The following NFIB variants were observed in gnomAD, a reference collection of about 807,000 sequenced individuals.
NFIB encodes the protein nuclear factor 1 B-type.
In NFIB, 11 loss-of-function variants were observed where a neutral mutation model predicts 61.5. That is an observed-to-expected ratio of 0.18 (90% confidence interval 0.11 to 0.30). The LOEUF is 0.30. Ranked by LOEUF, NFIB falls within the 10% of genes least tolerant of loss-of-function variation. The probability of loss-of-function intolerance (pLI) is 1.00; values close to 1 mark genes in which losing one functional copy is unlikely to be tolerated. For missense variants in NFIB, 471 were observed against 608.9 expected, an observed-to-expected ratio of 0.77 and a Z score of 2.38; for synonymous variants, 260 against 216.5, an observed-to-expected ratio of 1.20 and a Z score of -1.76.
At chr9:14,138,937 C>G (rs916015074) in intron 6 of NFIB, among the ~76,000 whole-genome samples, 1 of 151,878 alleles carries the variant, frequency 6.6e-6, no homozygotes, top group Admixed American at 6.6e-5. Flanking sequence ...TTTACCATCT[C>G]AAAATTTTGT....
chr9:14,344,108 A>AAGAGAGAGAG lies in NFIB; in HGVS notation c.109-36598_109-36589dup, dbSNP rs149708104. Among the ~76,000 whole-genome samples the AAGAGAGAGAG allele has an allele frequency of 1.3e-4, 18 of 141,556 alleles. 1 individual carries two copies. Among genetic ancestry groups the AAGAGAGAGAG allele is most frequent in the South Asian group, 9.6e-4 (4 of 4,182 alleles). 92.9% of individuals were successfully genotyped at this position (141,556 alleles called of 152,430 possible). On this transcript the variant is annotated intron_variant, in intron 1 of 8. Coordinates refer to the NFIB transcript ENST00000380934. ...TTAAAGAGAGGGAGAGAGAGAGAGA[A>AAGAGAGAGAG]AGAGAGAGAGAGAGAGAGAGAGAGA...
At chr9:14,202,164 A>AC (rs1563895703) in intron 2 of NFIB, among the ~76,000 whole-genome samples, 6 of 151,584 alleles carry the variant, frequency 4.0e-5, no homozygotes, top group South Asian at 2.1e-4. Context: ...ACACACACAC[A>AC]AAGATTTAGC....
At chr9:14,357,966 G>T (rs563890903) in intron 1 of NFIB, 1 of 152,318 alleles carries the variant, frequency 6.6e-6, no homozygotes, top group African/African-American at 2.4e-5. Flanking sequence ...AACTAGACTA[G>T]TGATTGGCTA....
chr9:14,462,249 G>A, the NFIB span, among the ~76,000 whole-genome samples: 9 of 151,782 alleles, frequency 5.9e-5, no homozygotes, highest in Non-Finnish European at 8.8e-5. Flanking sequence ...GCTGAATCAC[G>A]GTATGGTATT....
chr9:14,429,154 A>C, the NFIB span, among the ~76,000 whole-genome samples: 1 of 152,180 alleles, frequency 6.6e-6, no homozygotes, highest in Non-Finnish European at 1.5e-5. Flanking sequence ...AACCCAAGGC[A>C]TGTTTATTTT....
intron 1 of NFIB, among the ~76,000 whole-genome samples, chr9:14,331,901 C>G (rs2060825173): frequency 6.6e-6 from 1 of 152,184 alleles, no homozygotes; most frequent in Non-Finnish European, 1.5e-5. Context: ...TCGATTATTA[C>G]TTTTCTTTGT....
At position 14,313,766 on chromosome 9, in the gene NFIB, G is replaced by C. The variant is rs1376650514; in HGVS notation, c.-255C>G. On this transcript the variant is annotated 5_prime_UTR_variant, in exon 1 of 11. Transcript: ENST00000380953. This position sits in a 1 kb window ranked among gnomAD's most constrained non-coding sequence, Gnocchi z 4.5. Reference sequence around the variant, plus strand: ...TTTAACCCTCTTGCAGTCCGAGCGCGCTGGCCGTGCTTGCCGAGGCCGCCG... The same window carrying C: ...TTTAACCCTCTTGCAGTCCGAGCGCCCTGGCCGTGCTTGCCGAGGCCGCCG... 4 of 1,344,660 alleles carry C rather than the reference G, an allele frequency of 3.0e-6. No homozygotes were observed. The African/African-American group carries it at 6.0e-5, about 20-fold the overall frequency. The allele number at this position is 1,344,660 out of a possible 1,614,324, so 83.3% of individuals were successfully genotyped here. A position where few individuals can be genotyped will look rare whatever the true frequency, so the allele number is the denominator to read the frequency against.
intron 10 of NFIB, among the ~76,000 whole-genome samples, chr9:14,089,013 C>T (rs1007056823): frequency 2.0e-5 from 3 of 152,050 alleles, no homozygotes; most frequent in African/African-American, 7.2e-5. Context: ...CTACAGAATA[C>T]CCATCGTGAG....
At chr9:14,434,722 G>C in the NFIB span, among the ~76,000 whole-genome samples, 3 of 152,222 alleles carry the variant, frequency 2.0e-5, no homozygotes, top group African/African-American at 7.2e-5. Flanking sequence ...AGTTTCAAGA[G>C]GAAATTGATT....
the NFIB span, among the ~76,000 whole-genome samples, chr9:14,466,827 C>G: frequency 6.6e-6 from 1 of 152,090 alleles, no homozygotes; most frequent in Non-Finnish European, 1.5e-5. Context: ...CAATTTGCCC[C>G]AGATTTTGAA....
chr9:14,451,979 G>T, the NFIB span, among the ~76,000 whole-genome samples: 1 of 152,084 alleles, frequency 6.6e-6, no homozygotes, highest in Non-Finnish European at 1.5e-5. Flanking sequence ...CTGGGGCGAG[G>T]ATGCAGTTAA....
chr9:14,448,268 T>C, the NFIB span, among the ~76,000 whole-genome samples: 1 of 152,216 alleles, frequency 6.6e-6, no homozygotes, highest in East Asian at 1.9e-4. Context: ...TGTCTTAATG[T>C]CCTCAATAAA....
chr9:14,510,876 T>C, the NFIB span, among the ~76,000 whole-genome samples: 3 of 152,198 alleles, frequency 2.0e-5, no homozygotes, highest in Non-Finnish European at 4.4e-5. Context: ...AAGAAAAGAA[T>C]CATAACCTTT....
Position 14,184,457 on chromosome 9 carries a change from T to G in NFIB, c.563-4677A>C, listed in dbSNP as rs2047125350. Among the ~76,000 whole-genome samples the G allele has an allele frequency of 3.3e-5, 5 of 151,986 alleles. No homozygotes were observed. In the South Asian group the frequency reaches 1.0e-3, roughly 32 times the overall value. ...AGCAATTATTAGTATCACTGAACTCTATATACTAATTGACGTTTTAAAGAG... is the reference window on the plus strand; with the variant it reads ...AGCAATTATTAGTATCACTGAACTCGATATACTAATTGACGTTTTAAAGAG... On this transcript the variant is annotated intron_variant, in intron 2 of 10. Transcript: ENST00000380953.
the NFIB span, among the ~76,000 whole-genome samples, chr9:14,520,165 T>C: frequency 6.6e-6 from 1 of 152,010 alleles, no homozygotes; most frequent in African/African-American, 2.4e-5. Flanking sequence ...AAAAAATAAC[T>C]CTTTAGGAAA....
chr9:14,207,308 G>A (rs1324597844), intron 2 of NFIB, among the ~76,000 whole-genome samples: 1 of 152,172 alleles, frequency 6.6e-6, no homozygotes, highest in African/African-American at 2.4e-5. Flanking sequence ...CCAGGTAGAG[G>A]TTGCACCTCT....
the NFIB span, among the ~76,000 whole-genome samples, chr9:14,420,469 A>AAAAAAAAG: frequency 1.3e-5 from 2 of 149,414 alleles, no homozygotes; most frequent in African/African-American, 4.9e-5. Flanking sequence ...AAAAAAAAAA[A>AAAAAAAAG]AGATGCTATC....
rs2061679771 is a variant in NFIB, at chr9:14,395,872, G to A, written c.108+2652C>T. 2.6e-5 allele frequency among the ~76,000 whole-genome samples: 4 copies of A among 151,610 alleles called. No homozygotes were observed. The South Asian group carries it at 8.4e-4, about 32-fold the overall frequency. ...GCCTCAGTGCGGGTGAGATATGAAG[G>A]GAGTGTTCAGTTGAGGCTGGGGTGT... On this transcript the variant is annotated intron_variant, in intron 1 of 8. Coordinates refer to the NFIB transcript ENST00000380934.
intron 2 of NFIB, among the ~76,000 whole-genome samples, chr9:14,195,175 AC>A (rs148628976): frequency 0.011 from 1,625 of 152,066 alleles, 30 homozygotes; most frequent in African/African-American, 0.037. Flanking sequence ...TTAAAAAAAA[AC>A]AAAAAACAAA....
Sources: allele counts gnomAD v4.1 joint callset (sites outside exome capture counted in the v4.1 genomes callset), GRCh38; gene constraint gnomAD v4.1.1; non-coding constraint Gnocchi (gnomAD v3.1); transcripts MANE v1.5; gene names NCBI Gene and HGNC (gene_info 2026-07-23, HGNC 2026-07-21).